The following MIDEAS variants were observed in gnomAD, a reference collection of about 807,000 sequenced individuals.
MIDEAS encodes mitotic deacetylase associated SANT domain protein.
A neutral mutation model predicts 102.7 loss-of-function variants in MIDEAS; 26 were observed. The observed-to-expected ratio is 0.25, with a 90% CI of 0.19 to 0.35. MIDEAS has a LOEUF of 0.35. Among genes scored for constraint, MIDEAS ranks in the 10% least tolerant of loss-of-function variants. The pLI is 1.00. For missense variants in MIDEAS, 1,231 were observed against 1,435.6 expected (o/e 0.86, Z 2.30); for synonymous variants, 585 against 591.0 (o/e 0.99, Z 0.15).
rs1464871123 is a variant in MIDEAS, at chr14:73,773,112, A to ACACCCAC, written c.-248+13989_-248+13990insGTGGGTG. Among the ~76,000 whole-genome samples, 22 of 148,800 alleles carry ACACCCAC rather than the reference A, an allele frequency of 1.5e-4. 1 individual carries two copies. The East Asian group carries it at 4.4e-3, about 30-fold the overall frequency. On this transcript the variant is annotated intron_variant, in intron 1 of 11. Transcript: ENST00000394071. The stretch of plus-strand genomic sequence containing the variant: ...CTCGGCCTCCCAAAGTGCTGGGATT[A>ACACCCAC]CAGATGTAAGCCACCACGCCTGGCT...
rs914709135 is a variant in MIDEAS at position 73,730,862 on chromosome 14, G to T, written c.1750-877C>A. The stretch of plus-strand genomic sequence containing the variant: ...AATTTCAGCTACTCAGGAGGCTGAG[G>T]CATGAGAATCACTTGAACCCGGGAG... On this transcript the variant is annotated intron_variant, in intron 3 of 12. Transcript: ENST00000423556. Among the ~76,000 whole-genome samples the T allele has an allele frequency of 3.2e-4, 49 of 152,324 alleles. 1 individual carries two copies. The highest frequency in any genetic ancestry group is 1.2e-3 in the Admixed American group (19 of 15,298).
At chr14:73,760,369 C>T (rs965695186), upstream of MIDEAS, 3 of 152,284 alleles carry the variant, frequency 2.0e-5, no homozygotes, top group African/African-American at 7.2e-5. This position sits in a 1 kb window ranked among gnomAD's most constrained non-coding sequence, Gnocchi z 4.8. Context: ...CAAATAAGGC[C>T]GGGGAAGGCG....
intron 1 of MIDEAS, among the ~76,000 whole-genome samples, chr14:73,774,518 T>A (rs2053672934): frequency 6.6e-6 from 1 of 151,926 alleles, no homozygotes; most frequent in African/African-American, 2.4e-5. Context: ...GATCCTCTAA[T>A]GGCAGCTGGT....
Position 73,738,914 on chromosome 14 carries a change from G to C in MIDEAS, c.1095C>G (p.Thr365=). The C allele has an allele frequency of 6.5e-7, 1 of 1,532,328 alleles. No individual in the cohort carries two copies. The highest frequency in any genetic ancestry group is 1.4e-5 in the African/African-American group (1 of 72,324). 94.9% of individuals were successfully genotyped at this position (1,532,328 alleles called of 1,614,324 possible). A position where few individuals can be genotyped will look rare whatever the true frequency, so the allele number is the denominator to read the frequency against. Residue 365 remains threonine, a synonymous_variant, in exon 2 of 13, where the codon ACC becomes ACG. Transcript: ENST00000423556. ...LPPSALDGAG[T]QPGQEATGNL... is the part of the protein sequence containing the mutation. ...TGCCAGTGGCCTCCTGCCCAGGCTG[G>C]GTGCCAGCCCCATCCAGGGCGCTGG...
intron 1 of MIDEAS, among the ~76,000 whole-genome samples, chr14:73,767,643 TG>T (rs746284104): frequency 2.0e-5 from 3 of 151,596 alleles, no homozygotes. Flanking sequence ...GTCTCAAGGG[TG>T]GGGGGAAAAA....
rs2053536015 is a variant in MIDEAS at position 73,759,771 on chromosome 14, T to G, written c.-256A>C. The G allele has an allele frequency of 6.6e-6, 1 of 151,794 alleles. No individual in the cohort carries two copies. Among genetic ancestry groups the G allele is most frequent in the South Asian group, 2.1e-4 (1 of 4,832 alleles). 9.4% of individuals were successfully genotyped at this position (151,794 alleles called of 1,614,324 possible). On this transcript the variant is annotated 5_prime_UTR_variant, in exon 1 of 13. Transcript: ENST00000423556. The surrounding 1 kb of genome is among the most constrained non-coding windows in gnomAD (Gnocchi z 6.7). ...CAGGCAGCCCCACTTACCCAGCTCT[T>G]GCCCGGGCTCCGGGCTCCGGGCTCG...
rs560735822 is a variant in MIDEAS, at chr14:73,744,780, T to C, written c.-247-4525A>G. Among the ~76,000 whole-genome samples, 4 of 152,196 alleles carry C rather than the reference T, an allele frequency of 2.6e-5. No individual in the cohort carries two copies. The South Asian group carries it at 8.3e-4, about 32-fold the overall frequency. Reference sequence around the variant, plus strand: ...AGGTCTTTGGCCAGGCTGTACCCCTTCCTAGGACACCTTCTCACTCTTTTC... The same window carrying C: ...AGGTCTTTGGCCAGGCTGTACCCCTCCCTAGGACACCTTCTCACTCTTTTC... On this transcript the variant is annotated intron_variant, in intron 1 of 12. Coordinates refer to ENST00000423556, the MANE Select transcript of MIDEAS (RefSeq NM_001367710.1).
chr14:73,769,179 C>T (rs531711687), intron 1 of MIDEAS, among the ~76,000 whole-genome samples: 2 of 152,294 alleles, frequency 1.3e-5, no homozygotes, highest in South Asian at 4.1e-4. Context: ...CCCTCTCACT[C>T]CCTCCCCAGA....
intron 1 of MIDEAS, among the ~76,000 whole-genome samples, chr14:73,784,878 G>C (rs2053792101): frequency 6.6e-6 from 1 of 152,214 alleles, no homozygotes; most frequent in African/African-American, 2.4e-5. Flanking sequence ...AAGCACACAG[G>C]TACCTGCCAG....
rs756027039 is a variant in MIDEAS, at chr14:73,729,984, G to A, written c.1751C>T (p.Ala584Val). 6.9e-6 allele frequency: 11 copies of A among 1,602,696 alleles called. No homozygotes were observed. The highest frequency in any genetic ancestry group is 2.7e-5 in the African/African-American group (2 of 74,474). ...CTCCAACTTGACATTCATGTCCTCTGCCTGGAGAAGGAAAGAAAACAAGGA... is the reference window on the plus strand; with the variant it reads ...CTCCAACTTGACATTCATGTCCTCTACCTGGAGAAGGAAAGAAAACAAGGA... The part of the protein sequence containing the change: ...RIPGTDAQAQ[A>V]EDMNVKLEGE... Residue 584 changes from alanine (A) to valine (V), a missense_variant and splice_region_variant, in exon 4 of 13, where the codon GCA becomes GTA. Transcript: ENST00000423556.
intron 5 of MIDEAS, chr14:73,727,239 A>G (rs1247480986): frequency 7.9e-6 from 5 of 632,478 alleles, no homozygotes; most frequent in African/African-American, 3.7e-5. Context: ...TCTCCTAGAG[A>G]TAAGTTCAAG....
intron 1 of MIDEAS, among the ~76,000 whole-genome samples, chr14:73,771,676 C>T (rs758902638): frequency 1.3e-5 from 2 of 152,196 alleles, no homozygotes; most frequent in African/African-American, 4.8e-5. Flanking sequence ...CCTGCAGCTG[C>T]GCGTCCCAGC....
At chr14:73,779,188 A>G (rs987066575) in intron 1 of MIDEAS, among the ~76,000 whole-genome samples, 2 of 151,860 alleles carry the variant, frequency 1.3e-5, no homozygotes, top group African/African-American at 4.8e-5. Flanking sequence ...GGAGTTCGAG[A>G]CCAGCCTGGC....
chr14:73,782,566 G>A (rs1157975473), intron 1 of MIDEAS, among the ~76,000 whole-genome samples: 1 of 152,206 alleles, frequency 6.6e-6, no homozygotes, highest in African/African-American at 2.4e-5. Context: ...CTAGGCTCAA[G>A]TGATCCTTCC....
intron 1 of MIDEAS, among the ~76,000 whole-genome samples, chr14:73,769,765 C>G (rs1194495214): frequency 2.6e-5 from 4 of 152,014 alleles, no homozygotes; most frequent in African/African-American, 9.7e-5. Context: ...CCACGCCCAG[C>G]TAATTTTTGT....
chr14:73,733,504 G>A (rs28414077), intron 3 of MIDEAS, among the ~76,000 whole-genome samples: 3,173 of 152,006 alleles, frequency 0.021, 46 homozygotes, highest in Middle Eastern at 0.065. Context: ...CAGAAGAATC[G>A]CTTGAACCTG....
intron 9 of MIDEAS, chr14:73,724,532 A>C (rs990050068): frequency 6.6e-6 from 1 of 152,260 alleles, no homozygotes; most frequent in African/African-American, 2.4e-5. Context: ...TGTTACTAAA[A>C]CACAGCAAAG....
chr14:73,786,598 T>C (rs2053811824), intron 1 of MIDEAS, among the ~76,000 whole-genome samples: 1 of 152,184 alleles, frequency 6.6e-6, no homozygotes, highest in Admixed American at 6.5e-5. Context: ...AGGGTTGTTT[T>C]CCCAAACTTC....
chr14:73,730,060 C>T, intron 3 of MIDEAS, 75 bp from the exon 4 acceptor site: 3 of 1,445,876 alleles, frequency 2.1e-6, no homozygotes, highest in South Asian at 1.2e-5. Context: ...CCACAGCTTG[C>T]CAGTCTCACC....
Sources: allele counts gnomAD v4.1 joint callset (sites outside exome capture counted in the v4.1 genomes callset), GRCh38; gene constraint gnomAD v4.1.1; non-coding constraint Gnocchi (gnomAD v3.1); transcripts MANE v1.5; gene names NCBI Gene and HGNC (gene_info 2026-07-23, HGNC 2026-07-21).